ROR1: variants seen among roughly 807,000 people sequenced by gnomAD.
ROR1 encodes ROR family WNT receptor 1, also known as inactive tyrosine-protein kinase transmembrane receptor ROR1.
ROR1 carries 19 observed loss-of-function variants against 78.8 expected under a neutral mutation model. That is an observed-to-expected ratio of 0.24 (90% CI 0.17 to 0.35). ROR1 has a LOEUF of 0.35. ROR1 is among the 10% of genes least tolerant of loss of function. The probability of loss-of-function intolerance (pLI) is 1.00; values close to 1 mark genes in which losing one functional copy is unlikely to be tolerated. For missense variants in ROR1, 917 were observed against 1,177.8 expected (o/e 0.78, Z 3.24); for synonymous variants, 386 against 433.6 (o/e 0.89, Z 1.36).
Position 64,178,303 on chromosome 1 carries a change from T to C in ROR1, c.2262T>C (p.Ser754=), listed in dbSNP as rs1419583877. The C allele has an allele frequency of 6.2e-7, 1 of 1,614,104 alleles. No homozygotes were observed. The highest frequency in any genetic ancestry group is 1.7e-5 in the Admixed American group (1 of 60,018). ...VRLRSWEGLS[S]HTSSTTPSGG... is the part of the protein sequence containing the mutation. ...TTCGGTCCTGGGAGGGACTCTCAAG[T>C]CACACAAGCTCTACTACTCCTTCAG... Residue 754 remains serine, a synonymous_variant, in exon 9 of 9, where the codon AGT becomes AGC. Transcript: ENST00000371079. The surrounding 1 kb of genome is among the most constrained non-coding windows in gnomAD (Gnocchi z 4.3).
intron 4 of ROR1, among the ~76,000 whole-genome samples, chr1:64,118,258 A>C (rs1043898829): frequency 2.0e-5 from 3 of 152,210 alleles, no homozygotes; most frequent in African/African-American, 7.2e-5. Context: ...TTTATAAGTC[A>C]TTAATAATTC....
intron 2 of ROR1, among the ~76,000 whole-genome samples, chr1:64,027,523 C>G (rs564597868): frequency 2.0e-5 from 3 of 152,150 alleles, no homozygotes; most frequent in African/African-American, 7.2e-5. Flanking sequence ...TTCTCATACT[C>G]ATTGTTTAAT....
chr1:63,907,205 G>T (rs2100411355), intron 1 of ROR1, among the ~76,000 whole-genome samples: 1 of 152,302 alleles, frequency 6.6e-6, no homozygotes, highest in East Asian at 1.9e-4. Flanking sequence ...GAGAGTGGTT[G>T]TTATAATATT....
At chr1:64,083,536 T>TGTGTGTGTGTGTG (rs139973518) in intron 4 of ROR1, among the ~76,000 whole-genome samples, 2 of 150,724 alleles carry the variant, frequency 1.3e-5, no homozygotes, top group African/African-American at 2.4e-5. Flanking sequence ...AGTGTGTGTG[T>TGTGTGTGTGTGTG]TTTAGGAACA....
At chr1:63,819,375 G>C (rs1644911358) in intron 1 of ROR1, among the ~76,000 whole-genome samples, 1 of 152,136 alleles carries the variant, frequency 6.6e-6, no homozygotes, top group African/African-American at 2.4e-5. Context: ...TTTTGTAAGG[G>C]ATGAAACTTG....
In ROR1 at chr1:64,179,447, G is replaced by A. The variant is rs562416569; in HGVS notation, c.*592G>A. 1 of 152,956 alleles carries A rather than the reference G, an allele frequency of 6.5e-6. No individual in the cohort carries two copies. The highest frequency in any genetic ancestry group is 2.4e-5 in the African/African-American group (1 of 41,576). The allele number at this position is 152,956 out of a possible 1,614,324, so 9.5% of individuals were successfully genotyped here. A position where few individuals can be genotyped will look rare whatever the true frequency, so the allele number is the denominator to read the frequency against. ...TATAACAAGCCCTGAAGCCTTTTATGTCGTTGTGCTTCTTTGGGAAGGTGT... is the reference window on the plus strand; with the variant it reads ...TATAACAAGCCCTGAAGCCTTTTATATCGTTGTGCTTCTTTGGGAAGGTGT... On this transcript the variant is annotated 3_prime_UTR_variant, in exon 9 of 9. Coordinates refer to ENST00000371079, the MANE Select transcript of ROR1 (RefSeq NM_005012.4).
chr1:63,879,440 G>A (rs1159193712), intron 1 of ROR1, among the ~76,000 whole-genome samples: 2 of 152,138 alleles, frequency 1.3e-5, no homozygotes, highest in Non-Finnish European at 2.9e-5. Context: ...TAGAAAGATA[G>A]CCTGTGGTCT....
At chr1:63,957,259 CGTT>C (rs1645990849) in intron 1 of ROR1, among the ~76,000 whole-genome samples, 1 of 152,064 alleles carries the variant, frequency 6.6e-6, no homozygotes, top group Admixed American at 6.6e-5. Flanking sequence ...GTTACTATGT[CGTT>C]GTAATTTCAT....
chr1:64,141,761 G>A (rs1649322788), intron 6 of ROR1, among the ~76,000 whole-genome samples: 1 of 152,072 alleles, frequency 6.6e-6, no homozygotes, highest in Non-Finnish European at 1.5e-5. Flanking sequence ...CTTAACACAT[G>A]GTAAGGGCTC....
At chr1:64,029,264 T>C (rs1214127390) in intron 2 of ROR1, among the ~76,000 whole-genome samples, 1 of 152,186 alleles carries the variant, frequency 6.6e-6, no homozygotes, top group Non-Finnish European at 1.5e-5. Flanking sequence ...AGAAGAAATC[T>C]GAGCTCAGAG....
chr1:63,835,606 C>T (rs1022712362), intron 1 of ROR1, among the ~76,000 whole-genome samples: 2 of 152,190 alleles, frequency 1.3e-5, no homozygotes, highest in African/African-American at 2.4e-5. Context: ...ATTTATTCAT[C>T]GGTCATCAGT....
intron 1 of ROR1, among the ~76,000 whole-genome samples, chr1:63,862,061 G>T (rs1645185273): frequency 6.6e-6 from 1 of 151,858 alleles, no homozygotes; most frequent in African/African-American, 2.4e-5. Context: ...TTATTTCAGG[G>T]TCTGTCTTAC....
intron 1 of ROR1, among the ~76,000 whole-genome samples, chr1:63,945,275 T>A (rs1645875249): frequency 6.6e-6 from 1 of 152,208 alleles, no homozygotes; most frequent in African/African-American, 2.4e-5. Context: ...GGTATACACA[T>A]GCAATAACAT....
chr1:63,954,652 A>G (rs1420990544), intron 1 of ROR1, among the ~76,000 whole-genome samples: 1 of 152,120 alleles, frequency 6.6e-6, no homozygotes, highest in East Asian at 1.9e-4. Context: ...CTGTACAGGC[A>G]TTTTTTTCTT....
chr1:63,848,885 TA>T (rs1162214857), intron 1 of ROR1, among the ~76,000 whole-genome samples: 2 of 152,184 alleles, frequency 1.3e-5, no homozygotes, highest in Non-Finnish European at 2.9e-5. Context: ...ATGTACTCAG[TA>T]AACCGAGTGA....
At chr1:64,045,560 T>C (rs1646777273) in intron 2 of ROR1, among the ~76,000 whole-genome samples, 1 of 152,276 alleles carries the variant, frequency 6.6e-6, no homozygotes, top group South Asian at 2.1e-4. Flanking sequence ...TCCTACAGCA[T>C]GGACTCTGGA....
intron 1 of ROR1, among the ~76,000 whole-genome samples, chr1:63,784,027 G>A (rs1307352901): frequency 1.3e-5 from 2 of 152,038 alleles, no homozygotes; most frequent in Non-Finnish European, 1.5e-5. Flanking sequence ...ATGCCAAACT[G>A]CATTGCAGTT....
chr1:63,788,116 C>A (rs943089980), intron 1 of ROR1, among the ~76,000 whole-genome samples: 2 of 152,190 alleles, frequency 1.3e-5, no homozygotes, highest in Admixed American at 6.5e-5. Context: ...AGCCAGTAGA[C>A]GCTGCTTTCA....
Position 63,837,188 on chromosome 1 carries a change from T to G in ROR1, c.91+62680T>G, listed in dbSNP as rs551043293. ...GTTCAGTATGTCAGATTTGTTTTCA[T>G]TTTATTACTACGTATGAATTTGACC... On this transcript the variant is annotated intron_variant, in intron 1 of 8. Coordinates refer to ENST00000371079, the MANE Select transcript of ROR1 (RefSeq NM_005012.4). Among the ~76,000 whole-genome samples, 4 of 152,350 alleles carry G rather than the reference T, an allele frequency of 2.6e-5. No homozygotes were observed. In the South Asian group the frequency reaches 8.3e-4, roughly 32 times the overall value.
Sources: allele counts gnomAD v4.1 joint callset (sites outside exome capture counted in the v4.1 genomes callset), GRCh38; gene constraint gnomAD v4.1.1; non-coding constraint Gnocchi (gnomAD v3.1); transcripts MANE v1.5; gene names NCBI Gene and HGNC (gene_info 2026-07-23, HGNC 2026-07-21).